CACNA1E: variants seen among roughly 807,000 people sequenced by gnomAD.
CACNA1E encodes the protein calcium voltage-gated channel subunit alpha1 E.
A neutral mutation model predicts 259.2 loss-of-function variants in CACNA1E; 40 were observed. The observed-to-expected ratio is 0.15, with a 90% confidence interval of 0.12 to 0.20. CACNA1E has a LOEUF of 0.20. Ranked by LOEUF, CACNA1E falls within the 10% of genes least tolerant of loss-of-function variation. The pLI, the probability that CACNA1E is intolerant of heterozygous loss-of-function variation, is 1.00. For missense variants in CACNA1E, 1,874 were observed against 3,040.1 expected (o/e 0.62, Z 9.02); for synonymous variants, 1,104 against 1,138.5 (o/e 0.97, Z 0.61).
intron 1 of CACNA1E, among the ~76,000 whole-genome samples, chr1:181,497,711 G>A (rs1167458538): frequency 6.6e-6 from 1 of 152,178 alleles, no homozygotes; most frequent in African/African-American, 2.4e-5. Context: ...TGCTGCCTTG[G>A]GTTAGACCAG....
intron 6 of CACNA1E, among the ~76,000 whole-genome samples, chr1:181,634,667 C>T (rs1399354500): frequency 6.6e-6 from 1 of 152,130 alleles, no homozygotes; most frequent in Non-Finnish European, 1.5e-5. Context: ...TATGTGTATG[C>T]TAGCCTTGTG....
At chr1:181,358,641 C>T (rs756009312) in intron 1 of CACNA1E, among the ~76,000 whole-genome samples, 2 of 152,090 alleles carry the variant, frequency 1.3e-5, no homozygotes, top group African/African-American at 4.8e-5. Context: ...TGTGAATATT[C>T]GATTTTGCAG....
chr1:181,754,368 C>T (rs908683303), intron 27 of CACNA1E, among the ~76,000 whole-genome samples: 5 of 152,196 alleles, frequency 3.3e-5, no homozygotes, highest in Admixed American at 2.0e-4. Context: ...AGTGCTTCAC[C>T]CAGTGCTGCA....
chr1:181,450,411 G>T (rs1360722326), intron 2 of CACNA1E, among the ~76,000 whole-genome samples: 1 of 128,908 alleles, frequency 7.8e-6, no homozygotes, highest in Non-Finnish European at 1.6e-5. Flanking sequence ...AGATTTTCAG[G>T]TGAAGGGGGA....
At chr1:181,349,596 GAGTGCCTGCAGCAA>G (rs572570565) in intron 1 of CACNA1E, among the ~76,000 whole-genome samples, 6 of 152,266 alleles carry the variant, frequency 3.9e-5, no homozygotes, top group African/African-American at 1.4e-4. Context: ...GCCAGGGTGG[GAGTGCCTGCAGCAA>G]AGCAAGAGGC....
Position 181,579,244 on chromosome 1 carries a change from T to C in CACNA1E, c.769+20T>C, listed in dbSNP as rs1357153514. ...ATTCAGGTAGGGTCGTTCTTTTCTGTCTTCTCCTTTTCCCTTCTCCCCTCT... is the reference window on the plus strand; with the variant it reads ...ATTCAGGTAGGGTCGTTCTTTTCTGCCTTCTCCTTTTCCCTTCTCCCCTCT... On this transcript the variant is annotated intron_variant, in intron 5 of 47. Transcript: ENST00000367573. 1 of 1,597,194 alleles carries C rather than the reference T, an allele frequency of 6.3e-7. No homozygotes were observed. The highest frequency in any genetic ancestry group is 1.7e-5 in the Admixed American group (1 of 57,686).
chr1:181,684,059 A>AGTGCACT (rs1650264235), intron 7 of CACNA1E, among the ~76,000 whole-genome samples: 2 of 152,164 alleles, frequency 1.3e-5, no homozygotes, highest in Non-Finnish European at 2.9e-5. Context: ...AAATCTCCAA[A>AGTGCACT]CTGCTTTCCA....
chr1:181,781,534 C>G lies in CACNA1E; in HGVS notation c.5364+11C>G. 1 of 1,369,868 alleles carries G rather than the reference C, an allele frequency of 7.3e-7. No homozygotes were observed. The highest frequency in any genetic ancestry group is 1.0e-6 in the Non-Finnish European group (1 of 970,740). 84.9% of individuals were successfully genotyped at this position (1,369,868 alleles called of 1,614,324 possible). A position where few individuals can be genotyped will look rare whatever the true frequency, so the allele number is the denominator to read the frequency against. On this transcript the variant is annotated intron_variant, in intron 39 of 47. Transcript: ENST00000367573. ...AAAGTGGCATATAAGGTAGACCACC[C>G]CTTCCTTTGCTCTGGGCTACAGACC...
chr1:181,320,887 G>C (rs1036019904), intron 1 of CACNA1E, among the ~76,000 whole-genome samples: 1 of 152,164 alleles, frequency 6.6e-6, no homozygotes, highest in Non-Finnish European at 1.5e-5. Context: ...GAATACCTGA[G>C]GCTGGATAAT....
intron 7 of CACNA1E, among the ~76,000 whole-genome samples, chr1:181,693,128 C>CAAA (rs61662957): frequency 9.4e-3 from 913 of 97,618 alleles, no homozygotes; most frequent in East Asian, 0.019. Context: ...CTATCTAAAG[C>CAAA]AAAAAAAAAA....
At chr1:181,487,330 G>T (rs1390726536) in intron 1 of CACNA1E, among the ~76,000 whole-genome samples, 1 of 152,098 alleles carries the variant, frequency 6.6e-6, no homozygotes, top group Non-Finnish European at 1.5e-5. Flanking sequence ...GGATCACCCC[G>T]ACTTGGAGGG....
intron 6 of CACNA1E, among the ~76,000 whole-genome samples, chr1:181,584,939 A>G (rs1651902477): frequency 6.6e-6 from 1 of 152,158 alleles, no homozygotes. Flanking sequence ...TGTGACTGGT[A>G]TTGTAGATAC....
intron 1 of CACNA1E, among the ~76,000 whole-genome samples, chr1:181,376,914 G>C (rs994801078): frequency 1.1e-4 from 17 of 152,176 alleles, no homozygotes; most frequent in African/African-American, 3.6e-4. Flanking sequence ...GCTGTTTTCA[G>C]CTCAGCTCCT....
At chr1:181,551,656 G>A (rs572702340) in intron 3 of CACNA1E, among the ~76,000 whole-genome samples, 25 of 152,224 alleles carry the variant, frequency 1.6e-4, no homozygotes, top group African/African-American at 5.8e-4. Context: ...GAGTGGCTGG[G>A]ATAATAGACT....
chr1:181,699,149 A>G (rs1195012269), intron 7 of CACNA1E, among the ~76,000 whole-genome samples: 3 of 152,334 alleles, frequency 2.0e-5, no homozygotes, highest in South Asian at 4.1e-4. Context: ...CCTCCAGAAG[A>G]AAGAATATGT....
chr1:181,448,499 G>A (rs893756399), intron 2 of CACNA1E, among the ~76,000 whole-genome samples: 1 of 152,132 alleles, frequency 6.6e-6, no homozygotes, highest in African/African-American at 2.4e-5. Context: ...TTTCTCCTGG[G>A]ATCTCAACTA....
At chr1:181,750,941 C>G (rs557038895) in intron 26 of CACNA1E, among the ~76,000 whole-genome samples, 1 of 151,070 alleles carries the variant, frequency 6.6e-6, no homozygotes, top group East Asian at 2.0e-4. Context: ...GCCTCGTTTT[C>G]TGTGAAAGAA....
At chr1:181,685,755 C>A (rs1320367007) in intron 7 of CACNA1E, among the ~76,000 whole-genome samples, 4 of 152,092 alleles carry the variant, frequency 2.6e-5, no homozygotes, top group African/African-American at 9.7e-5. Flanking sequence ...GTCTGGAAGA[C>A]CTTTTGGAAT....
At chr1:181,743,923 G>A (rs923550337) in intron 25 of CACNA1E, among the ~76,000 whole-genome samples, 2 of 152,188 alleles carry the variant, frequency 1.3e-5, no homozygotes, top group East Asian at 1.9e-4. Flanking sequence ...ACCATGGCCC[G>A]TGCATCAGTC....
Sources: gnomAD v4.1 joint callset for allele counts (sites outside exome capture counted in the v4.1 genomes callset) on GRCh38, gnomAD v4.1.1 for gene constraint, MANE v1.5 for transcripts, NCBI Gene and HGNC (gene_info 2026-07-23, HGNC 2026-07-21) for gene names.